The following TMEFF1 variants were observed in gnomAD, a reference collection of about 807,000 sequenced individuals.
The protein encoded by TMEFF1 is tomoregulin-1.
TMEFF1 carries 20 observed loss-of-function variants against 47.5 expected under a neutral mutation model. The observed-to-expected ratio is 0.42, with a 90% CI of 0.30 to 0.61. TMEFF1 has a LOEUF of 0.61. TMEFF1 is among the 20% of genes least tolerant of loss of function. The pLI is 0.19. For missense variants in TMEFF1, 411 were observed against 471.1 expected (o/e 0.87, Z 1.18); for synonymous variants, 162 against 166.3 (o/e 0.97, Z 0.20).
At chr9:100,482,204 C>T (rs72735134) in intron 1 of TMEFF1, among the ~76,000 whole-genome samples, 35,856 of 146,532 alleles carry the variant, frequency 0.24, 4,871 homozygotes, top group African/African-American at 0.37. Flanking sequence ...TCTTTCTTTT[C>T]TTTTTTTTTT....
chr9:100,551,709 T>C (rs1838829797), intron 7 of TMEFF1, among the ~76,000 whole-genome samples: 1 of 152,242 alleles, frequency 6.6e-6, no homozygotes, highest in South Asian at 2.1e-4. Context: ...ATTATGTACC[T>C]AATTTATACT....
chr9:100,550,145 C>T lies in TMEFF1; in HGVS notation c.760C>T (p.Arg254Ter). Residue 254 changes from arginine to a stop codon, truncating the protein, a stop_gained, in exon 7 of 10, where the codon CGA (arginine) becomes TGA (stop). Transcript: ENST00000374879. LOFTEE classifies it high-confidence loss of function. ...AAAGAAAGATGATGGACTACAATAT[C>T]GACCAGATGTGAAAGGTACTGAATC... ...LGKKDDGLQY[R>*]PDVKDASDQR... is the part of the protein sequence containing the mutation. The T allele has an allele frequency of 1.2e-6, 2 of 1,612,076 alleles. No individual in the cohort carries two copies. The highest frequency in any genetic ancestry group is 1.7e-6 in the Non-Finnish European group (2 of 1,179,152).
intron 5 of TMEFF1, among the ~76,000 whole-genome samples, chr9:100,539,772 C>A (rs1323602619): frequency 1.3e-5 from 2 of 152,162 alleles, no homozygotes; most frequent in Non-Finnish European, 2.9e-5. Context: ...TGCTTTTATT[C>A]CCTTATCTGA....
intron 5 of TMEFF1, among the ~76,000 whole-genome samples, chr9:100,546,608 A>G (rs779290762): frequency 3.3e-5 from 5 of 152,188 alleles, no homozygotes; most frequent in Non-Finnish European, 5.9e-5. Flanking sequence ...AGAGAGCTCA[A>G]TTGACCTTTC....
chr9:100,487,560 T>G (rs1837472520), intron 1 of TMEFF1, among the ~76,000 whole-genome samples: 1 of 152,234 alleles, frequency 6.6e-6, no homozygotes, highest in African/African-American at 2.4e-5. Flanking sequence ...AAGCACATCC[T>G]AATTCCCATT....
At chr9:100,576,346 T>C (rs1302640397) in intron 9 of TMEFF1, among the ~76,000 whole-genome samples, 170 bp from the exon 10 acceptor site, 1 of 152,230 alleles carries the variant, frequency 6.6e-6, no homozygotes, top group African/African-American at 2.4e-5. Context: ...GTCTGAATTG[T>C]GTTCATCTTC....
chr9:100,559,467 C>T (rs1838974390), intron 7 of TMEFF1, among the ~76,000 whole-genome samples: 1 of 151,996 alleles, frequency 6.6e-6, no homozygotes, highest in Non-Finnish European at 1.5e-5. Context: ...TGAAATGTGG[C>T]TAGTCAGAAT....
At chr9:100,540,768 G>A (rs189151934) in intron 5 of TMEFF1, among the ~76,000 whole-genome samples, 4 of 152,310 alleles carry the variant, frequency 2.6e-5, no homozygotes, top group Non-Finnish European at 4.4e-5. Context: ...TGCCAATTTC[G>A]TGAGTGTGGA....
chr9:100,473,836 C>G lies in TMEFF1; in HGVS notation c.196+96C>G, dbSNP rs572529317. 9.2e-5 allele frequency: 123 copies of G among 1,340,102 alleles called. No homozygotes were observed. The highest frequency in any genetic ancestry group is 1.1e-4 in the Non-Finnish European group (109 of 1,034,588). The allele number at this position is 1,340,102 out of a possible 1,614,324, so 83.0% of individuals were successfully genotyped here. On this transcript the variant is annotated intron_variant, in intron 1 of 9. Coordinates refer to ENST00000374879, the MANE Select transcript of TMEFF1 (RefSeq NM_003692.5). This position sits in a 1 kb window ranked among gnomAD's most constrained non-coding sequence, Gnocchi z 5.4. ...TCGGCCGGGCTGGGAAAGACCCCGT[C>G]GTGGGGGTCCCAGGGGTGGGCCCGA...
At chr9:100,475,344 A>C (rs925645533) in intron 1 of TMEFF1, among the ~76,000 whole-genome samples, 1 of 152,240 alleles carries the variant, frequency 6.6e-6, no homozygotes, top group African/African-American at 2.4e-5. Context: ...TGGCATGTCC[A>C]TTAAAAGCAT....
At chr9:100,494,115 G>A (rs1467874664) in intron 1 of TMEFF1, among the ~76,000 whole-genome samples, 1 of 150,808 alleles carries the variant, frequency 6.6e-6, no homozygotes, top group African/African-American at 2.4e-5. Flanking sequence ...GCTAAGGTGG[G>A]ATAATCGCTT....
intron 1 of TMEFF1, among the ~76,000 whole-genome samples, chr9:100,477,019 C>T (rs1039037247): frequency 7.9e-5 from 12 of 152,134 alleles, no homozygotes; most frequent in Non-Finnish European, 1.6e-4. Flanking sequence ...AAACTAAATA[C>T]AGCCCTCGAT....
intron 5 of TMEFF1, among the ~76,000 whole-genome samples, chr9:100,523,573 T>A (rs1383682005): frequency 6.6e-6 from 1 of 152,208 alleles, no homozygotes; most frequent in African/African-American, 2.4e-5. Flanking sequence ...ATTTAATATG[T>A]GTGAAAAAGA....
intron 5 of TMEFF1, among the ~76,000 whole-genome samples, chr9:100,542,760 T>C (rs923663023): frequency 6.6e-6 from 1 of 152,158 alleles, no homozygotes; most frequent in Non-Finnish European, 1.5e-5. Context: ...TAATCCTGTT[T>C]GGGATTCATT....
chr9:100,485,082 G>A (rs915405756), intron 1 of TMEFF1, among the ~76,000 whole-genome samples: 2 of 152,088 alleles, frequency 1.3e-5, no homozygotes, highest in African/African-American at 4.8e-5. Context: ...TTAGCATGAT[G>A]TTTTTAAGGT....
rs1193260154 is a variant in TMEFF1, at chr9:100,547,745, T to G, written c.562T>G (p.Cys188Gly). ...ECDEDAENVG[C>G]VCNIDCSGYS... ...GGTAATTTTTGTCTTTTCCAACAGGTGTGTATGTAATATAGATTGCAGTGG... is the reference window on the plus strand; with the variant it reads ...GGTAATTTTTGTCTTTTCCAACAGGGGTGTATGTAATATAGATTGCAGTGG... The change falls in exon 6 of 10, where the codon TGT (cysteine) becomes GGT (glycine). Residue 188 changes from cysteine (C) to glycine (G), a missense_variant and splice_region_variant. Physicochemically the swap from Cys to Gly is radical, Grantham distance 159 (BLOSUM62 -3). Coordinates refer to ENST00000374879, the MANE Select transcript of TMEFF1 (RefSeq NM_003692.5). 1 of 1,550,798 alleles carries G rather than the reference T, an allele frequency of 6.4e-7. No homozygotes were observed.
chr9:100,510,268 C>T lies in TMEFF1; in HGVS notation c.436+1134C>T, dbSNP rs114181288. ...CAGACTCACTGACAGCTGTTATATGCGTGGTTATGAAGGGAGAGGATACAT... is the reference window on the plus strand; with the variant it reads ...CAGACTCACTGACAGCTGTTATATGTGTGGTTATGAAGGGAGAGGATACAT... On this transcript the variant is annotated intron_variant, in intron 3 of 9. Coordinates refer to ENST00000374879, the MANE Select transcript of TMEFF1 (RefSeq NM_003692.5). 6.7e-3 allele frequency among the ~76,000 whole-genome samples: 1,026 copies of T among 152,176 alleles called. 7 individuals are homozygous for T. Among genetic ancestry groups the T allele is most frequent in the African/African-American group, 0.024 (998 of 41,508 alleles).
chr9:100,492,033 G>A (rs900985862), intron 1 of TMEFF1, among the ~76,000 whole-genome samples: 19 of 151,892 alleles, frequency 1.3e-4, no homozygotes, highest in African/African-American at 4.1e-4. Flanking sequence ...TTACAGGCTC[G>A]TGCCACCACG....
At chr9:100,555,180 C>G (rs1413566361) in intron 7 of TMEFF1, among the ~76,000 whole-genome samples, 1 of 152,002 alleles carries the variant, frequency 6.6e-6, no homozygotes, top group African/African-American at 2.4e-5. Flanking sequence ...CACACACACA[C>G]ACACACACAC....
Sources: gnomAD v4.1 joint callset for allele counts (sites outside exome capture counted in the v4.1 genomes callset) on GRCh38, gnomAD v4.1.1 for gene constraint, Gnocchi (gnomAD v3.1) non-coding constraint, MANE v1.5 for transcripts, NCBI Gene and HGNC (gene_info 2026-07-23, HGNC 2026-07-21) for gene names.